BANK1: variants seen among roughly 807,000 people sequenced by gnomAD.
BANK1 encodes the protein B-cell scaffold protein with ankyrin repeats.
BANK1 carries 95 observed loss-of-function variants against 94.5 expected under a neutral mutation model. That is an observed-to-expected ratio of 1.00 (90% CI 0.85 to 1.19). The LOEUF is 1.19. Ranked by LOEUF, BANK1 falls within the 50% of genes most tolerant of loss-of-function variation. The pLI is 0.00. For synonymous variants in BANK1, 334 were observed against 308.4 expected (o/e 1.08, Z -0.87); for missense variants, 987 against 932.2 (o/e 1.06, Z -0.77).
intron 7 of BANK1, among the ~76,000 whole-genome samples, chr4:101,970,473 T>G (rs937444056): frequency 6.6e-6 from 1 of 152,090 alleles, no homozygotes; most frequent in Admixed American, 6.6e-5. Context: ...TTTCTTTCAT[T>G]TTATTCTGTC....
At chr4:101,812,138 G>T (rs1578330875) in intron 1 of BANK1, among the ~76,000 whole-genome samples, 1 of 151,970 alleles carries the variant, frequency 6.6e-6, no homozygotes, top group South Asian at 2.1e-4. Flanking sequence ...CCAGTGATGT[G>T]TGAGAACTAA....
intron 1 of BANK1, among the ~76,000 whole-genome samples, chr4:101,793,890 T>C (rs1298543478): frequency 1.3e-5 from 2 of 152,104 alleles, no homozygotes; most frequent in East Asian, 1.9e-4. Context: ...TTAGCTTATA[T>C]AAGAGTGGGA....
chr4:101,881,424 G>A (rs1728672624), intron 5 of BANK1, among the ~76,000 whole-genome samples: 1 of 152,022 alleles, frequency 6.6e-6, no homozygotes, highest in Non-Finnish European at 1.5e-5. Context: ...CAAAAGACAG[G>A]CAATAACAAA....
intron 11 of BANK1, among the ~76,000 whole-genome samples, chr4:102,057,251 T>G (rs1365138116): frequency 6.6e-6 from 1 of 151,774 alleles, no homozygotes; most frequent in African/African-American, 2.4e-5. Flanking sequence ...GCTCTCTCTC[T>G]CTTTCTCTTT....
intron 1 of BANK1, among the ~76,000 whole-genome samples, chr4:101,816,798 G>A (rs1040596320): frequency 6.6e-6 from 1 of 152,082 alleles, no homozygotes; most frequent in Admixed American, 6.5e-5. Flanking sequence ...ATAACACCCA[G>A]TTTATTAATG....
intron 2 of BANK1, among the ~76,000 whole-genome samples, chr4:101,844,526 G>A (rs1449682403): frequency 1.3e-5 from 2 of 152,218 alleles, no homozygotes; most frequent in Non-Finnish European, 2.9e-5. Context: ...AGGACAAGAT[G>A]TAGGTGGATC....
intron 7 of BANK1, among the ~76,000 whole-genome samples, chr4:101,936,396 T>G (rs1347595805): frequency 6.7e-6 from 1 of 150,192 alleles, no homozygotes; most frequent in African/African-American, 2.4e-5. Context: ...TACATGCATG[T>G]ATATATGTGC....
intron 15 of BANK1, among the ~76,000 whole-genome samples, chr4:102,072,750 C>G (rs1728800478): frequency 6.6e-6 from 1 of 152,132 alleles, no homozygotes. Flanking sequence ...TCCTTAAACT[C>G]TAGGACATTA....
chr4:101,960,021 G>T (rs759864407), intron 7 of BANK1, among the ~76,000 whole-genome samples: 1 of 152,124 alleles, frequency 6.6e-6, no homozygotes, highest in African/African-American at 2.4e-5. Flanking sequence ...AGAAATGGGT[G>T]GGTGCACTCC....
At chr4:101,805,484 G>A (rs1274517992) in intron 1 of BANK1, among the ~76,000 whole-genome samples, 4 of 151,936 alleles carry the variant, frequency 2.6e-5, no homozygotes, top group Admixed American at 2.6e-4. Context: ...TGACATTAGA[G>A]TAGCTAATTA....
chr4:101,947,953 T>C (rs897058234), intron 7 of BANK1, among the ~76,000 whole-genome samples: 5 of 152,102 alleles, frequency 3.3e-5, no homozygotes, highest in African/African-American at 1.2e-4. Context: ...GCAACAGTTC[T>C]TTTCTTCTCA....
chr4:102,063,796 G>A (rs1348226962), intron 13 of BANK1, among the ~76,000 whole-genome samples: 1 of 148,836 alleles, frequency 6.7e-6, no homozygotes, highest in African/African-American at 2.5e-5. Context: ...GCCAGCCTGG[G>A]TGACAGAGCA....
In BANK1 at chr4:101,799,944, A is replaced by G. The variant is rs1290343583; in HGVS notation, c.70+8994A>G. 2.6e-5 allele frequency among the ~76,000 whole-genome samples: 4 copies of G among 152,254 alleles called. No individual in the cohort carries two copies. In the East Asian group the frequency reaches 7.7e-4, roughly 29 times the overall value. Reference sequence around the variant, plus strand: ...CACGTATACACCATGGAATAATACTATGCAGCCATGAAAAGGATGAGTTCA... The same window carrying G: ...CACGTATACACCATGGAATAATACTGTGCAGCCATGAAAAGGATGAGTTCA... On this transcript the variant is annotated intron_variant, in intron 1 of 16. Transcript: ENST00000322953.
At chr4:101,889,604 CAAAAAA>C (rs59341810) in intron 5 of BANK1, among the ~76,000 whole-genome samples, 8 of 54,926 alleles carry the variant, frequency 1.5e-4, no homozygotes, top group African/African-American at 4.2e-4. Flanking sequence ...GACTCCGTCT[CAAAAAA>C]AAAAAAAAAA....
At chr4:102,010,290 G>T (rs367888796) in intron 7 of BANK1, among the ~76,000 whole-genome samples, 2 of 150,398 alleles carry the variant, frequency 1.3e-5, no homozygotes, top group Admixed American at 1.3e-4. Flanking sequence ...AGCAAACAAA[G>T]AAACAAACAA....
chr4:101,846,842 C>A lies in BANK1; in HGVS notation c.470-8193C>A, dbSNP rs80141028. ...GTAGGAACACAGAGCCAAACCATATCTAGTAGTGATCAAGGTTCTCTGAAG... is the reference window on the plus strand; with the variant it reads ...GTAGGAACACAGAGCCAAACCATATATAGTAGTGATCAAGGTTCTCTGAAG... On this transcript the variant is annotated intron_variant, in intron 2 of 16. Transcript: ENST00000322953. 6.8e-3 allele frequency among the ~76,000 whole-genome samples: 1,030 copies of A among 152,292 alleles called. 9 individuals carry two copies. The highest frequency in any genetic ancestry group is 0.017 in the Middle Eastern group (5 of 294).
At chr4:101,912,555 A>C (rs1722696767) in intron 6 of BANK1, among the ~76,000 whole-genome samples, 1 of 149,336 alleles carries the variant, frequency 6.7e-6, no homozygotes, top group African/African-American at 2.4e-5. Context: ...TCTATAATAA[A>C]TCTCTATAAC....
chr4:101,934,154 T>C (rs560165280), intron 7 of BANK1, among the ~76,000 whole-genome samples: 1 of 151,598 alleles, frequency 6.6e-6, no homozygotes, highest in African/African-American at 2.4e-5. Context: ...CAAACATGTA[T>C]TAGCAATAAC....
chr4:101,986,899 G>GTGTGTGTGTGTATATA lies in BANK1; in HGVS notation c.1207-34614_1207-34613insGTGTGTGTGTATATAT, dbSNP rs1343197093. Reference sequence around the variant, plus strand: ...TGTGTGTGTGTGTGTGTGTGTGTGTGTATATATATATATATATATATATAT... The same window carrying GTGTGTGTGTGTATATA: ...TGTGTGTGTGTGTGTGTGTGTGTGTGTGTGTGTGTGTATATATATATATATATATATATATATATAT... On this transcript the variant is annotated intron_variant, in intron 7 of 16. Coordinates refer to ENST00000322953, the MANE Select transcript of BANK1 (RefSeq NM_017935.5). 9.2e-4 allele frequency among the ~76,000 whole-genome samples: 76 copies of GTGTGTGTGTGTATATA among 82,652 alleles called. 6 individuals are homozygous for GTGTGTGTGTGTATATA. Among genetic ancestry groups the GTGTGTGTGTGTATATA allele is most frequent in the African/African-American group, 4.2e-3 (65 of 15,540 alleles). 54.2% of individuals were successfully genotyped at this position (82,652 alleles called of 152,430 possible). A position where few individuals can be genotyped will look rare whatever the true frequency, so the allele number is the denominator to read the frequency against.
Sources: gnomAD v4.1 joint callset for allele counts (sites outside exome capture counted in the v4.1 genomes callset) on GRCh38, gnomAD v4.1.1 for gene constraint, MANE v1.5 for transcripts, NCBI Gene and HGNC (gene_info 2026-07-23, HGNC 2026-07-21) for gene names.